The following AMOTL1 variants were observed in gnomAD, a reference collection of about 807,000 sequenced individuals.
AMOTL1 encodes the protein angiomotin-like protein 1.
A neutral mutation model predicts 102.9 loss-of-function variants in AMOTL1; 45 were observed. The ratio of observed to expected loss-of-function variants is 0.44; its 90% CI spans 0.34 to 0.56. The LOEUF (loss-of-function observed/expected upper bound fraction) is 0.56, where lower values mean the gene tolerates loss of function less well. Among genes scored for constraint, AMOTL1 ranks in the 20% least tolerant of loss-of-function variants. AMOTL1 has a pLI of 0.01. For synonymous variants in AMOTL1, 481 were observed against 484.7 expected (o/e 0.99, Z 0.10); for missense variants, 1,114 against 1,225.6 (o/e 0.91, Z 1.36).
intron 3 of AMOTL1, among the ~76,000 whole-genome samples, chr11:94,806,912 G>C (rs1380820755): frequency 6.6e-6 from 1 of 151,884 alleles, no homozygotes; most frequent in Non-Finnish European, 1.5e-5. Flanking sequence ...ACATGAGTTT[G>C]GAAAAAAAAT....
At chr11:94,788,568 C>T (rs997357514) in intron 1 of AMOTL1, among the ~76,000 whole-genome samples, 4 of 152,204 alleles carry the variant, frequency 2.6e-5, no homozygotes, top group Admixed American at 2.6e-4. Flanking sequence ...CGTCAGTCAA[C>T]AGGTAGTAAT....
chr11:94,835,099 T>C lies in AMOTL1; in HGVS notation c.1648+3558T>C, dbSNP rs192669503. On this transcript the variant is annotated intron_variant, in intron 6 of 12. Transcript: ENST00000433060. ...TTGAGGAATTTTTTTCCCCTGTCAC[T>C]TCATGGTATTGTAACATTCTCTTTG... 1.3e-3 allele frequency among the ~76,000 whole-genome samples: 204 copies of C among 152,374 alleles called. 1 individual carries two copies. The highest frequency in any genetic ancestry group is 4.6e-3 in the African/African-American group (192 of 41,588).
intron 1 of AMOTL1, among the ~76,000 whole-genome samples, chr11:94,788,072 A>G (rs1951221855): frequency 6.6e-6 from 1 of 152,134 alleles, no homozygotes; most frequent in Non-Finnish European, 1.5e-5. Flanking sequence ...TTTCCTCAAG[A>G]TTCAGTGCAC....
chr11:94,716,262 G>GT (rs1223814575), intron 1 of AMOTL1, among the ~76,000 whole-genome samples: 1 of 152,074 alleles, frequency 6.6e-6, no homozygotes, highest in Non-Finnish European at 1.5e-5. Context: ...AAGAAAATCT[G>GT]TAACTGTTTG....
rs77594487 is a variant in AMOTL1, at chr11:94,796,167, C to T, written c.199+1007C>T. ...CTCAGTTACAATATTGATTCTTTGA[C>T]GGTAAGGGATAAATTTCAGTTTATT... On this transcript the variant is annotated intron_variant, in intron 2 of 12. Coordinates refer to ENST00000433060, the MANE Select transcript of AMOTL1 (RefSeq NM_130847.3). 1.0e-2 allele frequency among the ~76,000 whole-genome samples: 1,519 copies of T among 152,156 alleles called. 16 individuals carry two copies. The highest frequency in any genetic ancestry group is 0.034 in the African/African-American group (1,405 of 41,488).
At position 94,861,622 on chromosome 11, in the gene AMOTL1, G is replaced by A. The variant is rs1052678605; in HGVS notation, c.2135+1907G>A. On this transcript the variant is annotated intron_variant, in intron 9 of 12. Transcript: ENST00000433060. ...TCTGGGACAAGCCCTTCTGAGTGTC[G>A]CTTACATCACATGTGAAATATAAAT... Among the ~76,000 whole-genome samples the A allele has an allele frequency of 5.3e-5, 8 of 152,230 alleles. No homozygotes were observed. The South Asian group carries it at 6.2e-4, about 12-fold the overall frequency.
chr11:94,712,231 T>C (rs1319365791), intron 1 of AMOTL1, among the ~76,000 whole-genome samples: 1 of 152,008 alleles, frequency 6.6e-6, no homozygotes, highest in African/African-American at 2.4e-5. Flanking sequence ...TCATCTGTAT[T>C]TCCTCTTCAG....
At chr11:94,814,069 A>T (rs760202924) in intron 3 of AMOTL1, among the ~76,000 whole-genome samples, 2 of 152,172 alleles carry the variant, frequency 1.3e-5, no homozygotes, top group Admixed American at 1.3e-4. Flanking sequence ...TGGGGCTTCT[A>T]TCTTTTAACA....
chr11:94,719,890 T>A (rs544990410), intron 1 of AMOTL1, among the ~76,000 whole-genome samples: 53 of 152,232 alleles, frequency 3.5e-4, no homozygotes, highest in Non-Finnish European at 5.7e-4. Context: ...TCGGAGATTT[T>A]TAAGAAATAC....
chr11:94,839,548 T>G (rs182827), intron 6 of AMOTL1, among the ~76,000 whole-genome samples: 50,012 of 152,026 alleles, frequency 0.33, 9,283 homozygotes, highest in Admixed American at 0.48. Context: ...ATCTCCTACG[T>G]ACCAGGTGAG....
chr11:94,760,794 T>A (rs1950782643), intron 3 of AMOTL1, among the ~76,000 whole-genome samples: 1 of 152,224 alleles, frequency 6.6e-6, no homozygotes, highest in African/African-American at 2.4e-5. Flanking sequence ...TCTAGCAGAG[T>A]ATGTGGATTA....
intron 7 of AMOTL1, among the ~76,000 whole-genome samples, chr11:94,851,942 T>C (rs1460723434): frequency 1.3e-5 from 2 of 152,248 alleles, no homozygotes; most frequent in Admixed American, 6.5e-5. Context: ...CAAATACTTA[T>C]TGGGTGCCTA....
Position 94,874,799 on chromosome 11 carries a change from T to A in AMOTL1, c.*4004T>A, listed in dbSNP as rs977968978. On this transcript the variant is annotated 3_prime_UTR_variant, in exon 13 of 13. Coordinates refer to ENST00000433060, the MANE Select transcript of AMOTL1 (RefSeq NM_130847.3). ...ACCTCAGAAGCAGTGGATAATAGAT[T>A]GGGGCATTAAAAGCTTTTGAGGCAG... 1 of 152,116 alleles carries A rather than the reference T, an allele frequency of 6.6e-6. No homozygotes were observed. The highest frequency in any genetic ancestry group is 2.4e-5 in the African/African-American group (1 of 41,418). 9.4% of individuals were successfully genotyped at this position (152,116 alleles called of 1,614,324 possible). A position where few individuals can be genotyped will look rare whatever the true frequency, so the allele number is the denominator to read the frequency against.
intron 1 of AMOTL1, among the ~76,000 whole-genome samples, chr11:94,782,862 G>A (rs1951132210): frequency 6.6e-6 from 1 of 152,042 alleles, no homozygotes; most frequent in South Asian, 2.1e-4. Flanking sequence ...AGATATTAAA[G>A]GAATTTGCAA....
Position 94,869,356 on chromosome 11 carries a change from G to A in AMOTL1, c.2647G>A (p.Ala883Thr), listed in dbSNP as rs778319796. The A allele has an allele frequency of 3.4e-5, 54 of 1,610,612 alleles. No individual in the cohort carries two copies. In the East Asian group the frequency reaches 5.4e-4, roughly 16 times the overall value. The change falls in exon 12 of 13, where the codon GCC becomes ACC. Residue 883 changes from alanine to threonine, a missense_variant. Physicochemically the swap from Ala to Thr is moderately conservative, Grantham distance 58 (BLOSUM62 0). Transcript: ENST00000433060. ...KDSSTQTDKSAELFWPSMASL... is the reference protein window; with the variant it reads ...KDSSTQTDKSTELFWPSMASL... Reference sequence around the variant, plus strand: ...CAGCAGCACACAGACTGACAAGAGTGCCGAGCTCTTCTGGCCCAGCATGGC... The same window carrying A: ...CAGCAGCACACAGACTGACAAGAGTACCGAGCTCTTCTGGCCCAGCATGGC...
At chr11:94,785,501 A>T (rs1339147261) in intron 1 of AMOTL1, among the ~76,000 whole-genome samples, 1 of 152,212 alleles carries the variant, frequency 6.6e-6, no homozygotes, top group African/African-American at 2.4e-5. Context: ...CTTATTGGTT[A>T]TACTCTTTAT....
intron 3 of AMOTL1, among the ~76,000 whole-genome samples, chr11:94,761,157 C>T (rs1950787428): frequency 6.6e-6 from 1 of 151,454 alleles, no homozygotes; most frequent in African/African-American, 2.4e-5. Context: ...TCAGTTAATC[C>T]TCTGTTTAGG....
At chr11:94,746,954 A>G (rs1950596463) in intron 3 of AMOTL1, among the ~76,000 whole-genome samples, 1 of 151,862 alleles carries the variant, frequency 6.6e-6, no homozygotes, top group Non-Finnish European at 1.5e-5. Flanking sequence ...GACCCGTGAG[A>G]CACTTTATCT....
intron 1 of AMOTL1, among the ~76,000 whole-genome samples, chr11:94,711,934 A>G (rs1950028215): frequency 6.6e-6 from 1 of 152,032 alleles, no homozygotes. Context: ...ATGAACATAA[A>G]TTTTCATTTA....
Sources: allele counts gnomAD v4.1 joint callset (sites outside exome capture counted in the v4.1 genomes callset), GRCh38; gene constraint gnomAD v4.1.1; transcripts MANE v1.5; gene names NCBI Gene and HGNC (gene_info 2026-07-23, HGNC 2026-07-21).